CNTNAP2: variants seen among roughly 807,000 people sequenced by gnomAD.
The protein encoded by CNTNAP2 is contactin associated protein 2.
In CNTNAP2, 98 loss-of-function variants were observed where a neutral mutation model predicts 155.2. That is an observed-to-expected ratio of 0.63 (90% CI 0.54 to 0.75). CNTNAP2 has a LOEUF of 0.75. CNTNAP2 is among the 30% of genes least tolerant of loss of function. The pLI is 0.00. For synonymous variants in CNTNAP2, 651 were observed against 631.2 expected, an observed-to-expected ratio of 1.03 and a Z score of -0.47; for missense variants, 1,727 against 1,688.1, an observed-to-expected ratio of 1.02 and a Z score of -0.40.
intron 10 of CNTNAP2, among the ~76,000 whole-genome samples, chr7:147,473,119 G>A (rs775514438): frequency 2.0e-4 from 31 of 152,320 alleles, no homozygotes; most frequent in Non-Finnish European, 3.7e-4. Context: ...GTGAATGCCT[G>A]TGAGAAAAGG....
At chr7:147,681,441 C>G (rs1584896852) in intron 13 of CNTNAP2, among the ~76,000 whole-genome samples, 1 of 151,926 alleles carries the variant, frequency 6.6e-6, no homozygotes, top group African/African-American at 2.4e-5. Flanking sequence ...CTTTCTGAAA[C>G]TTTTTCCCCC....
intron 1 of CNTNAP2, among the ~76,000 whole-genome samples, chr7:146,123,675 G>A (rs774014744): frequency 3.4e-5 from 5 of 145,664 alleles, no homozygotes; most frequent in Non-Finnish European, 7.6e-5. Flanking sequence ...TTCAATTATA[G>A]TATTATTTGA....
Position 147,521,537 on chromosome 7 carries a change from A to C in CNTNAP2, c.1777+35496A>C, listed in dbSNP as rs181993497. ...CCCTGGCAAAGGAAGAGCCTGCCCC[A>C]AGGTGTTTCCCATGTGGAAGATGCG... On this transcript the variant is annotated intron_variant, in intron 11 of 23. Coordinates refer to ENST00000361727, the MANE Select transcript of CNTNAP2 (RefSeq NM_014141.6). 2.6e-4 allele frequency among the ~76,000 whole-genome samples: 40 copies of C among 152,298 alleles called. No homozygotes were observed. In the East Asian group the frequency reaches 5.6e-3, roughly 21 times the overall value.
At chr7:146,263,254 GGAGT>G (rs1799946227) in intron 1 of CNTNAP2, among the ~76,000 whole-genome samples, 1 of 150,682 alleles carries the variant, frequency 6.6e-6, no homozygotes. Flanking sequence ...AAGGAGGGAG[GGAGT>G]GAGCGAGGGA....
At chr7:146,555,631 A>G (rs1455474647) in intron 1 of CNTNAP2, among the ~76,000 whole-genome samples, 1 of 152,164 alleles carries the variant, frequency 6.6e-6, no homozygotes, top group Non-Finnish European at 1.5e-5. Context: ...TTATATATGT[A>G]AACATTTAGA....
intron 13 of CNTNAP2, among the ~76,000 whole-genome samples, chr7:147,760,442 A>G (rs1309372913): frequency 6.6e-6 from 1 of 152,226 alleles, no homozygotes; most frequent in African/African-American, 2.4e-5. Flanking sequence ...AGCCACTTTG[A>G]GTAAACGAAG....
intron 1 of CNTNAP2, among the ~76,000 whole-genome samples, chr7:146,373,114 A>G (rs1795259004): frequency 6.6e-6 from 1 of 152,194 alleles, no homozygotes; most frequent in African/African-American, 2.4e-5. Flanking sequence ...CATGGCAGAC[A>G]TTGAAAAATC....
chr7:146,684,907 T>C (rs1208860084), intron 1 of CNTNAP2, among the ~76,000 whole-genome samples: 1 of 152,128 alleles, frequency 6.6e-6, no homozygotes, highest in East Asian at 1.9e-4. Context: ...GATTTGGCTT[T>C]CAGATGGTGT....
At chr7:147,690,088 A>G (rs905415590) in intron 13 of CNTNAP2, among the ~76,000 whole-genome samples, 1 of 152,022 alleles carries the variant, frequency 6.6e-6, no homozygotes, top group African/African-American at 2.4e-5. Flanking sequence ...CCCAGAAAAG[A>G]ATCTTATTGC....
intron 13 of CNTNAP2, among the ~76,000 whole-genome samples, chr7:147,861,875 G>A (rs904206619): frequency 2.0e-5 from 3 of 151,656 alleles, no homozygotes; most frequent in Non-Finnish European, 4.4e-5. Context: ...AATTACCTGG[G>A]CATGGTGGTG....
intron 1 of CNTNAP2, among the ~76,000 whole-genome samples, chr7:146,329,955 T>C (rs1801155142): frequency 6.6e-6 from 1 of 151,980 alleles, no homozygotes; most frequent in African/African-American, 2.4e-5. Flanking sequence ...TTATTTTTCA[T>C]TATGCTGAAA....
rs573346257 is a variant in CNTNAP2 at position 147,107,928 on chromosome 7, T to C, written c.551-219T>C. ...TTGTAATTAAAGTAAAATGTTCAACTGATAGAGCTTTTATGAGCATTTTTA... is the reference window on the plus strand; with the variant it reads ...TTGTAATTAAAGTAAAATGTTCAACCGATAGAGCTTTTATGAGCATTTTTA... On this transcript the variant is annotated intron_variant, in intron 4 of 23. Transcript: ENST00000361727. 1.1e-3 allele frequency among the ~76,000 whole-genome samples: 169 copies of C among 152,286 alleles called. 2 individuals are homozygous for C. The highest frequency in any genetic ancestry group is 3.8e-3 in the African/African-American group (158 of 41,572).
chr7:146,912,867 C>T (rs979247447), intron 3 of CNTNAP2, among the ~76,000 whole-genome samples: 7 of 152,076 alleles, frequency 4.6e-5, no homozygotes, highest in African/African-American at 1.7e-4. Context: ...TTCTCTTAAT[C>T]ATTTTAACAT....
intron 3 of CNTNAP2, among the ~76,000 whole-genome samples, chr7:146,858,139 T>G (rs964752911): frequency 6.6e-6 from 1 of 152,202 alleles, no homozygotes; most frequent in African/African-American, 2.4e-5. Context: ...AAAAATCTGC[T>G]AAGATCTACG....
chr7:148,113,254 A>G (rs1025285336), intron 15 of CNTNAP2, among the ~76,000 whole-genome samples: 1 of 152,182 alleles, frequency 6.6e-6, no homozygotes, highest in Non-Finnish European at 1.5e-5. Flanking sequence ...GAAACTTACA[A>G]TCATGGCAGA....
chr7:147,012,189 TA>T (rs1454593934), intron 3 of CNTNAP2, among the ~76,000 whole-genome samples: 1 of 152,136 alleles, frequency 6.6e-6, no homozygotes, highest in Non-Finnish European at 1.5e-5. Flanking sequence ...TCCAATATTA[TA>T]AAAAATGGTG....
At chr7:148,299,206 G>T (rs183753639) in intron 21 of CNTNAP2, among the ~76,000 whole-genome samples, 107 of 152,076 alleles carry the variant, frequency 7.0e-4, no homozygotes, top group Middle Eastern at 6.8e-3. Context: ...TAGCCAGAAT[G>T]GTCTCAATCT....
At chr7:146,399,962 CT>C (rs1795690292) in intron 1 of CNTNAP2, among the ~76,000 whole-genome samples, 2 of 152,074 alleles carry the variant, frequency 1.3e-5, no homozygotes, top group Non-Finnish European at 2.9e-5. Context: ...AATTATAACA[CT>C]TATGGTGTCT....
intron 14 of CNTNAP2, among the ~76,000 whole-genome samples, chr7:147,946,921 A>T (rs1800829655): frequency 6.6e-6 from 1 of 152,146 alleles, no homozygotes; most frequent in African/African-American, 2.4e-5. Context: ...GAGGAGAATG[A>T]CCCAATAATC....
Sources: allele counts gnomAD v4.1 joint callset (sites outside exome capture counted in the v4.1 genomes callset), GRCh38; gene constraint gnomAD v4.1.1; transcripts MANE v1.5; gene names NCBI Gene and HGNC (gene_info 2026-07-23, HGNC 2026-07-21).